The following GALC variants were observed in gnomAD, a reference collection of about 807,000 sequenced individuals.
GALC encodes the protein galactosylceramidase, also known as galactocerebrosidase.
GALC carries 77 observed loss-of-function variants against 91.8 expected under a neutral mutation model. The ratio of observed to expected loss-of-function variants is 0.84; its 90% confidence interval spans 0.70 to 1.01. GALC has a LOEUF of 1.01. GALC is among the 50% of genes least tolerant of loss of function. The pLI is 0.00. For missense variants in GALC, 882 were observed against 855.9 expected, an observed-to-expected ratio of 1.03 and a Z score of -0.38; for synonymous variants, 357 against 306.7, an observed-to-expected ratio of 1.16 and a Z score of -1.71.
upstream of GALC, chr14:87,993,533 C>T (rs146724227): frequency 4.8e-4 from 687 of 1,445,578 alleles, 4 homozygotes; most frequent in African/African-American, 7.8e-3. Context: ...GAGGACCAGG[C>T]TTGGACACCA....
intron 10 of GALC, among the ~76,000 whole-genome samples, chr14:87,961,047 A>C (rs1885780239): frequency 6.6e-6 from 1 of 152,208 alleles, no homozygotes; most frequent in Non-Finnish European, 1.5e-5. Flanking sequence ...CAAAGGGAGA[A>C]AATATCTGCA....
At chr14:87,965,370 G>GA (rs1885990410) in intron 9 of GALC, 135 bp downstream of exon 9, 1 of 931,940 alleles carries the variant, frequency 1.1e-6, no homozygotes. Context: ...TAAAACACTG[G>GA]CAAATCTTGC....
At chr14:87,966,391 C>G (rs115263328) in intron 8 of GALC, among the ~76,000 whole-genome samples, 2,333 of 152,060 alleles carry the variant, frequency 0.015, 58 homozygotes, top group African/African-American at 0.053. Flanking sequence ...TCAGGAAATC[C>G]AAGGACAAAA....
intron 10 of GALC, among the ~76,000 whole-genome samples, chr14:87,956,615 CACACACCA>C (rs758477733): frequency 1.5e-5 from 2 of 136,404 alleles, no homozygotes; most frequent in East Asian, 2.0e-4. Context: ...CACACACACA[CACACACCA>C]TATATATATG....
chr14:87,949,984 G>C (rs1359071997), intron 11 of GALC, 53 bp from the exon 12 acceptor site: 2 of 898,856 alleles, frequency 2.2e-6, no homozygotes, highest in Non-Finnish European at 3.8e-6. Flanking sequence ...CATCCTCTTT[G>C]AGGATTTCCA....
chr14:87,950,850 A>G, intron 10 of GALC, 102 bp from the exon 11 acceptor site: 1 of 683,204 alleles, frequency 1.5e-6, no homozygotes. Context: ...AAATTTACAT[A>G]TACTAGATAA....
chr14:87,980,526 C>T (rs1360445636), intron 6 of GALC: 8 of 978,450 alleles, frequency 8.2e-6, no homozygotes. Flanking sequence ...CAGTTCTTTG[C>T]ACATGATATG....
intron 14 of GALC, among the ~76,000 whole-genome samples, chr14:87,943,907 G>A (rs2139947183): frequency 6.6e-6 from 1 of 152,098 alleles, no homozygotes; most frequent in East Asian, 1.9e-4. Context: ...AAGCCTAGAA[G>A]TGGAAAACAC....
intron 13 of GALC, among the ~76,000 whole-genome samples, chr14:87,946,334 T>G (rs1229285822): frequency 6.6e-6 from 1 of 152,048 alleles, no homozygotes; most frequent in African/African-American, 2.4e-5. Flanking sequence ...ATCAATCCCT[T>G]TTTAGTTTTA....
Position 87,955,001 on chromosome 14 carries a change from T to C in GALC, c.1162-4253A>G, listed in dbSNP as rs996465460. Reference sequence around the variant, plus strand: ...TTTGCAGACTGCCTCAACAGAGTGATAGTTACTTCCTCAGAGATCACCTAT... The same window carrying C: ...TTTGCAGACTGCCTCAACAGAGTGACAGTTACTTCCTCAGAGATCACCTAT... On this transcript the variant is annotated intron_variant, in intron 10 of 16. Coordinates refer to ENST00000261304, the MANE Select transcript of GALC (RefSeq NM_000153.4). 5.8e-6 allele frequency: 8 copies of C among 1,389,464 alleles called. No individual in the cohort carries two copies. The African/African-American group carries it at 1.0e-4, about 17-fold the overall frequency. The allele number at this position is 1,389,464 out of a possible 1,614,324, so 86.1% of individuals were successfully genotyped here.
At chr14:87,967,055 G>T (rs1204161170) in intron 8 of GALC, among the ~76,000 whole-genome samples, 1 of 152,144 alleles carries the variant, frequency 6.6e-6, no homozygotes, top group Non-Finnish European at 1.5e-5. Flanking sequence ...ATAACAACGA[G>T]TGTCTCGGGT....
Position 87,984,394 on chromosome 14 carries a change from T to G in GALC, c.582A>C (p.Gly194=). 1 of 1,612,342 alleles carries G rather than the reference T, an allele frequency of 6.2e-7. No homozygotes were observed. Among genetic ancestry groups the G allele is most frequent in the Non-Finnish European group, 8.5e-7 (1 of 1,178,522 alleles). ...ATCATATTTTAAATATATTACTAAC[T>G]CCAATATAATCAATGTCCAAATCAT... ...RYHDLDIDYI[G]IWNERSYNAN... is the part of the protein sequence containing the mutation. The change falls in exon 5 of 17, where the codon GGA becomes GGC. Residue 194 remains glycine, a splice_region_variant and synonymous_variant. Transcript: ENST00000261304.
At chr14:87,954,885 T>G (rs1209929653) in intron 10 of GALC, 14 of 1,591,602 alleles carry the variant, frequency 8.8e-6, no homozygotes, top group Non-Finnish European at 1.2e-5. Context: ...AAATATACTA[T>G]AGGCCAGCTT....
chr14:87,937,999 A>G (rs75542709), intron 16 of GALC, among the ~76,000 whole-genome samples: 8,012 of 152,046 alleles, frequency 0.053, 292 homozygotes, highest in Non-Finnish European at 0.076. Flanking sequence ...TTTTTCAAGT[A>G]ACTGAAAGTT....
intron 4 of GALC, 71 bp from the exon 5 acceptor site, chr14:87,984,604 A>AT (rs971296662): frequency 1.8e-5 from 28 of 1,539,970 alleles, no homozygotes; most frequent in Admixed American, 7.1e-5. Flanking sequence ...AATAAAACAA[A>AT]TTTTTTTTAA....
chr14:87,988,984 T>C (rs1172384229), intron 1 of GALC, among the ~76,000 whole-genome samples: 2 of 152,160 alleles, frequency 1.3e-5, no homozygotes, highest in African/African-American at 4.8e-5. Context: ...TAAGAATAAC[T>C]AGCAATAATC....
At chr14:87,985,220 T>C (rs1886919519) in intron 4 of GALC, among the ~76,000 whole-genome samples, 1 of 149,170 alleles carries the variant, frequency 6.7e-6, no homozygotes, top group African/African-American at 2.4e-5. Flanking sequence ...TTGCTACTAA[T>C]ATATTAAAAT....
intron 7 of GALC, among the ~76,000 whole-genome samples, chr14:87,970,093 T>A (rs1886223202): frequency 6.6e-6 from 1 of 152,080 alleles, no homozygotes; most frequent in South Asian, 2.1e-4. Context: ...TAATATAAAT[T>A]CAAAAAATTA....
At chr14:87,987,092 A>G (rs973315623) in intron 3 of GALC, 6 of 450,840 alleles carry the variant, frequency 1.3e-5, no homozygotes, top group Non-Finnish European at 2.7e-5. Flanking sequence ...AAAAAAAAGG[A>G]ATGAGTATAC....
Sources: gnomAD v4.1 joint callset for allele counts (sites outside exome capture counted in the v4.1 genomes callset) on GRCh38, gnomAD v4.1.1 for gene constraint, MANE v1.5 for transcripts, NCBI Gene and HGNC (gene_info 2026-07-23, HGNC 2026-07-21) for gene names.